Variants in MAPKBP1 observed in about 807,000 individuals in gnomAD.
MAPKBP1 encodes the protein mitogen-activated protein kinase binding protein 1.
MAPKBP1 carries 71 observed loss-of-function variants against 170.5 expected under a neutral mutation model. That is an observed-to-expected ratio of 0.42 (90% CI 0.34 to 0.51). MAPKBP1 has a LOEUF of 0.51. Ranked by LOEUF, MAPKBP1 falls within the 20% of genes least tolerant of loss-of-function variation. MAPKBP1 has a pLI of 0.06. For missense variants in MAPKBP1, 1,598 were observed against 1,933.0 expected (o/e 0.83, Z 3.25); for synonymous variants, 719 against 757.9 (o/e 0.95, Z 0.84).
Position 41,816,878 on chromosome 15 carries a change from C to T in MAPKBP1, c.1586-32C>T, listed in dbSNP as rs79591449. The stretch of plus-strand genomic sequence containing the variant: ...GCCCAGATAAGGGCTGTTCAGGGCA[C>T]TCATGGGCTGATGGAGTTCTTTCAT... On this transcript the variant is annotated intron_variant, in intron 13 of 30. Transcript: ENST00000457542. 5,230 of 1,582,046 alleles carry T rather than the reference C, an allele frequency of 3.3e-3. 152 individuals carry two copies. The African/African-American group carries it at 0.063, about 19-fold the overall frequency.
Position 41,786,777 on chromosome 15 carries a change from A to AAAAATAT in MAPKBP1, c.114+11389_114+11390insAAATATA. Among the ~76,000 whole-genome samples, 158 of 32,430 alleles carry AAAAATAT rather than the reference A, an allele frequency of 4.9e-3. 8 individuals are homozygous for AAAAATAT. Among genetic ancestry groups the AAAAATAT allele is most frequent in the African/African-American group, 0.011 (86 of 7,618 alleles). 21.3% of individuals were successfully genotyped at this position (32,430 alleles called of 152,430 possible). A position where few individuals can be genotyped will look rare whatever the true frequency, so the allele number is the denominator to read the frequency against. On this transcript the variant is annotated intron_variant, in intron 2 of 30. Transcript: ENST00000457542. Reference sequence around the variant, plus strand: ...CAGACTCCGTCTAAAAAAAAAAAAAAATATATATATATATATATATATATA... The same window carrying AAAAATAT: ...CAGACTCCGTCTAAAAAAAAAAAAAAAAAATATATATATATATATATATATATATATA...
chr15:41,823,715 C>G lies in MAPKBP1; in HGVS notation c.3867C>G (p.His1289Gln). The G allele has an allele frequency of 6.2e-7, 1 of 1,614,212 alleles. No individual in the cohort carries two copies. Among genetic ancestry groups the G allele is most frequent in the Non-Finnish European group, 8.5e-7 (1 of 1,180,030 alleles). Reference protein sequence around the residue: ...LSKLALPSRAHLVLDIPKPLP... With the variant: ...LSKLALPSRAQLVLDIPKPLP... ...AGCTGGCCCTGCCCAGCCGGGCTCA[C>G]CTGGTCCTGGACATCCCCAAACCAC... The change falls in exon 29 of 31, where the codon CAC becomes CAG. Residue 1289 changes from histidine to glutamine, a missense_variant. This residue lies in a region of MAPKBP1 where 942 missense variants were observed against 953.2 expected (regional missense o/e 0.99). Transcript: ENST00000457542.
chr15:41,817,481 A>G lies in MAPKBP1; in HGVS notation c.1782+23A>G. On this transcript the variant is annotated intron_variant, in intron 15 of 30. Transcript: ENST00000457542. The surrounding 1 kb of genome is among the most constrained non-coding windows in gnomAD (Gnocchi z 4.2). Reference sequence around the variant, plus strand: ...AAGGTGAGGGCGCTGGGCTTTCCTGAGAGGGGCGGGACAGGGCGGGGTCTG... The same window carrying G: ...AAGGTGAGGGCGCTGGGCTTTCCTGGGAGGGGCGGGACAGGGCGGGGTCTG... The G allele has an allele frequency of 1.8e-6, 2 of 1,095,194 alleles. No homozygotes were observed. Among genetic ancestry groups the G allele is most frequent in the South Asian group, 1.2e-5 (1 of 81,546 alleles). 67.8% of individuals were successfully genotyped at this position (1,095,194 alleles called of 1,614,324 possible). A position where few individuals can be genotyped will look rare whatever the true frequency, so the allele number is the denominator to read the frequency against.
chr15:41,799,494 C>T (rs2064553462), intron 2 of MAPKBP1, among the ~76,000 whole-genome samples: 1 of 152,152 alleles, frequency 6.6e-6, no homozygotes, highest in African/African-American at 2.4e-5. Context: ...GGATCCCAGG[C>T]TCTAGCTTAT....
chr15:41,792,138 C>G (rs550620624), intron 2 of MAPKBP1, among the ~76,000 whole-genome samples: 2 of 150,256 alleles, frequency 1.3e-5, no homozygotes, highest in African/African-American at 4.9e-5. Context: ...CTTGCCTCTA[C>G]GCCACCTGTT....
chr15:41,821,519 C>T (rs1398883633), intron 23 of MAPKBP1, 65 bp from the exon 24 acceptor site: 2 of 1,512,936 alleles, frequency 1.3e-6, no homozygotes, highest in Non-Finnish European at 1.8e-6. Flanking sequence ...TCAGGGCTTA[C>T]CCCCCAGCTA....
chr15:41,809,671 C>T (rs981706818), intron 3 of MAPKBP1, among the ~76,000 whole-genome samples: 6 of 152,242 alleles, frequency 3.9e-5, no homozygotes, highest in Admixed American at 3.3e-4. Context: ...GGGCCAGGGC[C>T]TGCTGACAGC....
At chr15:41,784,852 A>C (rs1460611803) in intron 2 of MAPKBP1, among the ~76,000 whole-genome samples, 2 of 145,022 alleles carry the variant, frequency 1.4e-5, no homozygotes, top group South Asian at 4.4e-4. Flanking sequence ...TGAGTCCCAG[A>C]GTTCAAGACC....
At position 41,820,753 on chromosome 15, in the gene MAPKBP1, T is replaced by C. The variant is rs559494318; in HGVS notation, c.2482-79T>C. On this transcript the variant is annotated intron_variant, in intron 22 of 30. Coordinates refer to ENST00000457542, the MANE Select transcript of MAPKBP1 (RefSeq NM_014994.3). ...TAGTATGTGTAGTGTGCCAGGCACATAGTAAGGGATATGTGGATATTTGTT... is the reference window on the plus strand; with the variant it reads ...TAGTATGTGTAGTGTGCCAGGCACACAGTAAGGGATATGTGGATATTTGTT... 26 of 1,036,508 alleles carry C rather than the reference T, an allele frequency of 2.5e-5. No individual in the cohort carries two copies. In the East Asian group the frequency reaches 6.0e-4, roughly 24 times the overall value. 64.2% of individuals were successfully genotyped at this position (1,036,508 alleles called of 1,614,324 possible). A position where few individuals can be genotyped will look rare whatever the true frequency, so the allele number is the denominator to read the frequency against.
chr15:41,775,367 G>A lies in MAPKBP1; in HGVS notation c.92G>A (p.Arg31Gln), dbSNP rs2064079728. Residue 31 changes from arginine to glutamine, a missense_variant, in exon 2 of 31, where the codon CGA becomes CAA. Around this residue, in one of 6 missense-constraint regions of MAPKBP1, gnomAD observed 151 missense variants for 191.4 expected, o/e 0.79. Transcript: ENST00000457542. ...CTGCGCAGGAGTAAGGCAGGAAACC[G>A]ACGAGAGGACCTCAGCTCCAAGGTG... The part of the protein sequence containing the change: ...IKLRRSKAGN[R>Q]REDLSSKVTL... 1.2e-6 allele frequency: 2 copies of A among 1,614,122 alleles called. No homozygotes were observed. The highest frequency in any genetic ancestry group is 2.2e-5 in the South Asian group (2 of 91,082).
At chr15:41,810,834 G>C (rs755987808) in intron 3 of MAPKBP1, 49 bp from the exon 4 acceptor site, 2 of 1,577,958 alleles carry the variant, frequency 1.3e-6, no homozygotes, top group Admixed American at 3.3e-5. Context: ...GAGGGCTCCT[G>C]GGGGAGCTGT....
At position 41,823,346 on chromosome 15, in the gene MAPKBP1, T is replaced by C; in HGVS notation, c.3599-101T>C. ...GTGCTGGCCACTAGGTGTCCCTTAA[T>C]GGGCATGTGGAGGGGAACAGCAGCT... On this transcript the variant is annotated intron_variant, in intron 28 of 30. Coordinates refer to ENST00000457542, the MANE Select transcript of MAPKBP1 (RefSeq NM_014994.3). 3 of 1,545,428 alleles carry C rather than the reference T, an allele frequency of 1.9e-6. No individual in the cohort carries two copies. The South Asian group carries it at 3.7e-5, about 19-fold the overall frequency.
chr15:41,799,574 G>C (rs144938638), intron 2 of MAPKBP1, among the ~76,000 whole-genome samples: 24 of 152,258 alleles, frequency 1.6e-4, no homozygotes, highest in Admixed American at 6.5e-4. Flanking sequence ...TAACGAGTTG[G>C]TGTTCTTTCC....
chr15:41,819,547 C>CGG lies in MAPKBP1; in HGVS notation c.2426-39_2426-38dup, dbSNP rs3034893. 9.8e-3 allele frequency: 11,955 copies of CGG among 1,223,742 alleles called. 208 individuals carry two copies. Among genetic ancestry groups the CGG allele is most frequent in the African/African-American group, 0.064 (3,422 of 53,280 alleles). The allele number at this position is 1,223,742 out of a possible 1,614,324, so 75.8% of individuals were successfully genotyped here. ...GGGCCAGGGCTCCAGGGTTGGGTGG[C>CGG]GGGGGGGGGGCAGGAGACACTTCCT... On this transcript the variant is annotated intron_variant, in intron 21 of 30. Coordinates refer to ENST00000457542, the MANE Select transcript of MAPKBP1 (RefSeq NM_014994.3).
Position 41,822,613 on chromosome 15 carries a change from G to A in MAPKBP1, c.3250G>A (p.Glu1084Lys), listed in dbSNP as rs1486501458. ...GGTAGGGGCCCCAGTGCAGGTCCCA[G>A]AGAGGTCAGAGTCTCGGAGTATCTC... ...AAPGAPVQVP[E>K]RSESRSISSR... The change falls in exon 27 of 31, where the codon GAG becomes AAG. Residue 1084 changes from glutamate (E) to lysine (K), a missense_variant. Transcript: ENST00000457542. 2 of 1,614,050 alleles carry A rather than the reference G, an allele frequency of 1.2e-6. No homozygotes were observed. Among genetic ancestry groups the A allele is most frequent in the Admixed American group, 1.7e-5 (1 of 60,022 alleles).
At position 41,826,501 on chromosome 15, in the gene MAPKBP1, C is replaced by T. The variant is rs2065098227; in HGVS notation, c.*1065C>T. ...TTCCTCACATCCTGCCTCAGCTTCA[C>T]CACCCTGGCTTATGTGGAACACCTA... On this transcript the variant is annotated 3_prime_UTR_variant, in exon 31 of 31. Coordinates refer to ENST00000457542, the MANE Select transcript of MAPKBP1 (RefSeq NM_014994.3). The T allele has an allele frequency of 6.6e-6, 1 of 152,260 alleles. No individual in the cohort carries two copies. The highest frequency in any genetic ancestry group is 2.4e-5 in the African/African-American group (1 of 41,418). 9.4% of individuals were successfully genotyped at this position (152,260 alleles called of 1,614,324 possible).
intron 3 of MAPKBP1, among the ~76,000 whole-genome samples, chr15:41,808,105 C>CTTTTTTTTTTTT (rs544983500): frequency 1.3e-4 from 14 of 109,460 alleles, no homozygotes; most frequent in Non-Finnish European, 1.6e-4. Flanking sequence ...TTCTTTCTTT[C>CTTTTTTTTTTTT]TTTTTTTTTT....
At chr15:41,784,893 T>TAAAAAAAA (rs35451237) in intron 2 of MAPKBP1, among the ~76,000 whole-genome samples, 2 of 105,664 alleles carry the variant, frequency 1.9e-5, no homozygotes, top group East Asian at 2.6e-4. Context: ...ACCCTATCTG[T>TAAAAAAAA]AAAAAAAAAA....
chr15:41,823,495 C>G lies in MAPKBP1; in HGVS notation c.3647C>G (p.Ser1216Cys), dbSNP rs775391306. ...GCCCCTTCACCAGGCGCACTGCTGT[C>G]TCGGGAGATCGAAGCTCAGGATGGT... ...LQAPSPGALL[S>C]REIEAQDGLG... The change falls in exon 29 of 31, where the codon TCT becomes TGT. Residue 1216 changes from serine (S) to cysteine (C), a missense_variant. By Grantham distance (112) the Ser-to-Cys change is moderately radical. Transcript: ENST00000457542. 1 of 1,614,106 alleles carries G rather than the reference C, an allele frequency of 6.2e-7. No homozygotes were observed. Among genetic ancestry groups the G allele is most frequent in the Admixed American group, 1.7e-5 (1 of 60,022 alleles).
Sources: allele counts gnomAD v4.1 joint callset (sites outside exome capture counted in the v4.1 genomes callset), GRCh38; gene constraint gnomAD v4.1.1; regional missense constraint gnomAD v4.1.1; non-coding constraint Gnocchi (gnomAD v3.1); transcripts MANE v1.5; gene names NCBI Gene and HGNC (gene_info 2026-07-23, HGNC 2026-07-21).